The following GRIK2 variants were observed in gnomAD, a reference collection of about 807,000 sequenced individuals.
GRIK2 encodes the protein glutamate receptor ionotropic, kainate 2.
In GRIK2, 32 loss-of-function variants were observed where a neutral mutation model predicts 100.3. That is an observed-to-expected ratio of 0.32 (90% confidence interval 0.24 to 0.43). GRIK2 has a LOEUF of 0.43. GRIK2 is among the 20% of genes least tolerant of loss of function. The pLI is 1.00. For synonymous variants in GRIK2, 417 were observed against 389.4 expected, an observed-to-expected ratio of 1.07 and a Z score of -0.83; for missense variants, 843 against 1,114.9, an observed-to-expected ratio of 0.76 and a Z score of 3.47.
intron 14 of GRIK2, among the ~76,000 whole-genome samples, chr6:101,971,108 A>C (rs1476852234): frequency 6.7e-6 from 1 of 149,756 alleles, no homozygotes; most frequent in Non-Finnish European, 1.5e-5. Context: ...TGAATTTTGA[A>C]ATTTTTTCAG....
intron 9 of GRIK2, among the ~76,000 whole-genome samples, chr6:101,814,486 G>T (rs1268902902): frequency 6.6e-6 from 1 of 151,960 alleles, no homozygotes; most frequent in African/African-American, 2.4e-5. Context: ...ACAGTTAAAA[G>T]ACTTGACAAT....
At chr6:101,740,278 T>G (rs910831680) in intron 7 of GRIK2, among the ~76,000 whole-genome samples, 1 of 152,206 alleles carries the variant, frequency 6.6e-6, no homozygotes, top group South Asian at 2.1e-4. Flanking sequence ...AGTGGTTCTT[T>G]GGCTATAAAA....
intron 7 of GRIK2, among the ~76,000 whole-genome samples, chr6:101,705,999 A>G (rs1443874166): frequency 6.6e-6 from 1 of 151,930 alleles, no homozygotes; most frequent in Non-Finnish European, 1.5e-5. Context: ...TGTATGCACA[A>G]AAACTGGACA....
intron 14 of GRIK2, among the ~76,000 whole-genome samples, chr6:101,981,313 C>A (rs1793701897): frequency 6.6e-6 from 1 of 151,764 alleles, no homozygotes; most frequent in South Asian, 2.1e-4. Context: ...TAAATGAAAT[C>A]ATGATATAAG....
intron 4 of GRIK2, among the ~76,000 whole-genome samples, chr6:101,672,446 T>C (rs1770510823): frequency 6.6e-6 from 1 of 152,196 alleles, no homozygotes; most frequent in Non-Finnish European, 1.5e-5. Flanking sequence ...TCATCTTTTC[T>C]TATAAATATC....
chr6:101,791,670 A>C (rs1040223025), intron 7 of GRIK2, among the ~76,000 whole-genome samples: 2 of 151,962 alleles, frequency 1.3e-5, no homozygotes, highest in African/African-American at 4.8e-5. Context: ...GGTGCTGAAA[A>C]AATGTATATT....
At chr6:101,807,735 G>A (rs1355620712) in intron 9 of GRIK2, among the ~76,000 whole-genome samples, 1 of 151,910 alleles carries the variant, frequency 6.6e-6, no homozygotes, top group Non-Finnish European at 1.5e-5. Flanking sequence ...TTGGGAAACT[G>A]GAAGTAATAG....
intron 1 of GRIK2, among the ~76,000 whole-genome samples, chr6:101,397,389 A>G (rs1267756795): frequency 6.6e-6 from 1 of 152,218 alleles, no homozygotes; most frequent in Non-Finnish European, 1.5e-5. Flanking sequence ...TTAAACATGG[A>G]CTGAAGGAGT....
chr6:101,572,177 A>C (rs897451127), intron 2 of GRIK2, among the ~76,000 whole-genome samples: 1 of 152,176 alleles, frequency 6.6e-6, no homozygotes, highest in African/African-American at 2.4e-5. Flanking sequence ...TTACACAGAT[A>C]TTAGCAGCCA....
chr6:101,677,726 A>T (rs1770943248), intron 5 of GRIK2, among the ~76,000 whole-genome samples: 1 of 151,980 alleles, frequency 6.6e-6, no homozygotes, highest in Non-Finnish European at 1.5e-5. Context: ...TCATTTAGAA[A>T]CCTCTCATGT....
chr6:101,883,966 C>A (rs1350155564), intron 11 of GRIK2, among the ~76,000 whole-genome samples: 1 of 152,018 alleles, frequency 6.6e-6, no homozygotes, highest in Non-Finnish European at 1.5e-5. Flanking sequence ...TAGAAAGAAC[C>A]TTCTGGAGTT....
chr6:101,480,734 A>C (rs986339174), intron 2 of GRIK2, among the ~76,000 whole-genome samples: 2 of 152,186 alleles, frequency 1.3e-5, no homozygotes, highest in East Asian at 3.8e-4. Flanking sequence ...AAAAGAAAAA[A>C]AACTGGGATA....
At chr6:101,536,795 C>G (rs191673082) in intron 2 of GRIK2, among the ~76,000 whole-genome samples, 93 of 151,756 alleles carry the variant, frequency 6.1e-4, no homozygotes, top group Non-Finnish European at 1.1e-3. Flanking sequence ...CATACACATT[C>G]AGCTAGATTC....
intron 4 of GRIK2, among the ~76,000 whole-genome samples, chr6:101,661,680 C>G (rs1249209821): frequency 6.6e-6 from 1 of 152,094 alleles, no homozygotes; most frequent in African/African-American, 2.4e-5. Flanking sequence ...CTGGAATGCA[C>G]TTTTCCTCAC....
intron 14 of GRIK2, among the ~76,000 whole-genome samples, chr6:101,973,671 T>C (rs1793194679): frequency 6.6e-6 from 1 of 151,962 alleles, no homozygotes; most frequent in Admixed American, 6.6e-5. Flanking sequence ...AGGAATGTGA[T>C]AATATTGTCA....
chr6:101,808,073 T>C (rs774892320), intron 9 of GRIK2, among the ~76,000 whole-genome samples: 120 of 152,188 alleles, frequency 7.9e-4, no homozygotes, highest in Non-Finnish European at 1.0e-3. Context: ...TTTATCCTTA[T>C]TGTTCCATCA....
At chr6:101,645,808 A>G (rs1781498766) in intron 4 of GRIK2, among the ~76,000 whole-genome samples, 1 of 151,920 alleles carries the variant, frequency 6.6e-6, no homozygotes, top group South Asian at 2.1e-4. Flanking sequence ...TTTAATGGTA[A>G]TAGAATATTT....
At chr6:101,632,648 A>T (rs986081281) in intron 4 of GRIK2, among the ~76,000 whole-genome samples, 2 of 152,128 alleles carry the variant, frequency 1.3e-5, no homozygotes, top group East Asian at 3.9e-4. Context: ...ATATGTGAGT[A>T]TATACATATA....
intron 2 of GRIK2, among the ~76,000 whole-genome samples, chr6:101,561,134 T>TA (rs757142955): frequency 3.8e-4 from 58 of 152,218 alleles, no homozygotes; most frequent in Non-Finnish European, 7.8e-4. Flanking sequence ...TTAAAGAATA[T>TA]AAAAAAAGTC....
Sources: allele counts gnomAD v4.1 joint callset (sites outside exome capture counted in the v4.1 genomes callset), GRCh38; gene constraint gnomAD v4.1.1; transcripts MANE v1.5; gene names NCBI Gene and HGNC (gene_info 2026-07-23, HGNC 2026-07-21).